Variants in PDE7B observed in about 807,000 individuals in gnomAD.
PDE7B encodes phosphodiesterase 7B.
Under a neutral mutation model 56.2 loss-of-function variants are expected in PDE7B, and 29 were observed. That is an observed-to-expected ratio of 0.52 (90% confidence interval 0.38 to 0.70). The LOEUF is 0.70. Ranked by LOEUF, PDE7B falls within the 30% of genes least tolerant of loss-of-function variation. The pLI is 0.00. For missense variants in PDE7B, 490 were observed against 565.0 expected (o/e 0.87, Z 1.35); for synonymous variants, 197 against 196.9 (o/e 1.00, Z 0.00).
At chr6:136,057,418 C>T (rs1266831821) in intron 2 of PDE7B, among the ~76,000 whole-genome samples, 1 of 152,162 alleles carries the variant, frequency 6.6e-6, no homozygotes, top group African/African-American at 2.4e-5. Flanking sequence ...ACCCATTATA[C>T]ATCAAAGTAT....
chr6:135,989,574 A>T (rs978714697), intron 2 of PDE7B, among the ~76,000 whole-genome samples: 67 of 152,292 alleles, frequency 4.4e-4, no homozygotes, highest in African/African-American at 1.6e-3. Context: ...AGATGGTGCC[A>T]TTGCACTCCA....
intron 8 of PDE7B, among the ~76,000 whole-genome samples, chr6:136,160,770 T>C (rs1328634453): frequency 6.6e-6 from 1 of 152,076 alleles, no homozygotes; most frequent in Non-Finnish European, 1.5e-5. Flanking sequence ...ACCATTCCCC[T>C]CCCAGGCTTC....
chr6:136,149,123 A>T lies in PDE7B; in HGVS notation c.355A>T (p.Ile119Phe). Residue 119 changes from isoleucine to phenylalanine, a missense_variant, in exon 5 of 13, where the codon ATT becomes TTT. Physicochemically the swap from Ile to Phe is conservative, Grantham distance 21 (BLOSUM62 0). Transcript: ENST00000308191. Reference protein sequence around the residue: ...LSKVGMWDFDIFLFDRLTNGN... With the variant: ...LSKVGMWDFDFFLFDRLTNGN... ...CAAAGTGGGAATGTGGGATTTTGACATTTTCTTGTTTGATCGCTTGACAAA... is the reference window on the plus strand; with the variant it reads ...CAAAGTGGGAATGTGGGATTTTGACTTTTTCTTGTTTGATCGCTTGACAAA... 1 of 1,612,756 alleles carries T rather than the reference A, an allele frequency of 6.2e-7. No homozygotes were observed. Among genetic ancestry groups the T allele is most frequent in the Non-Finnish European group, 8.5e-7 (1 of 1,178,864 alleles).
intron 8 of PDE7B, among the ~76,000 whole-genome samples, chr6:136,160,188 G>A (rs1021190939): frequency 2.6e-5 from 4 of 152,122 alleles, no homozygotes; most frequent in African/African-American, 7.2e-5. Flanking sequence ...TGAGCCACTA[G>A]AACACATTGT....
chr6:135,890,020 T>G (rs1375082933), intron 1 of PDE7B, among the ~76,000 whole-genome samples: 2 of 152,144 alleles, frequency 1.3e-5, no homozygotes, highest in African/African-American at 4.8e-5. Context: ...CCCAAAGTAC[T>G]GGGATTACAG....
At chr6:135,882,396 C>T (rs994903129) in intron 1 of PDE7B, among the ~76,000 whole-genome samples, 1 of 152,142 alleles carries the variant, frequency 6.6e-6, no homozygotes, top group Admixed American at 6.5e-5. Flanking sequence ...GTTTTTCCTG[C>T]TTCCTGGCTC....
intron 2 of PDE7B, among the ~76,000 whole-genome samples, chr6:136,089,222 A>T (rs1007308087): frequency 6.6e-6 from 1 of 152,166 alleles, no homozygotes; most frequent in Non-Finnish European, 1.5e-5. Flanking sequence ...GCTCATAACA[A>T]CACTAACCTC....
intron 2 of PDE7B, among the ~76,000 whole-genome samples, chr6:136,101,712 T>C (rs993906305): frequency 1.1e-4 from 16 of 152,180 alleles, no homozygotes; most frequent in African/African-American, 3.6e-4. Context: ...CTGACTCCCA[T>C]ACCTAAATGT....
chr6:136,020,750 C>G (rs1366351216), intron 2 of PDE7B, among the ~76,000 whole-genome samples: 2 of 151,736 alleles, frequency 1.3e-5, no homozygotes, highest in Non-Finnish European at 2.9e-5. Flanking sequence ...GAAAATTATT[C>G]TAGTGAAATA....
chr6:135,868,493 A>G (rs1428965058), intron 1 of PDE7B, among the ~76,000 whole-genome samples: 1 of 151,552 alleles, frequency 6.6e-6, no homozygotes, highest in Non-Finnish European at 1.5e-5. Context: ...GTGCAGTGGC[A>G]CTATCTTGGC....
At chr6:136,108,879 CA>C in intron 3 of PDE7B, 65 bp downstream of exon 3, 1 of 1,034,210 alleles carries the variant, frequency 9.7e-7, no homozygotes, top group East Asian at 2.4e-5. Context: ...AAAAAATCCT[CA>C]TTTCCCTCTG....
intron 2 of PDE7B, among the ~76,000 whole-genome samples, chr6:136,061,881 GACCT>G (rs1290149140): frequency 4.6e-5 from 7 of 152,166 alleles, no homozygotes; most frequent in Non-Finnish European, 1.0e-4. Flanking sequence ...TAACCTCTCA[GACCT>G]CAGTCCTCTC....
intron 2 of PDE7B, chr6:136,097,861 A>G (rs1286474587): frequency 6.6e-6 from 1 of 152,112 alleles, no homozygotes; most frequent in African/African-American, 2.4e-5. Context: ...TCCTGCCACA[A>G]GTCCTCTGAA....
chr6:136,108,962 T>C, intron 3 of PDE7B, 148 bp downstream of exon 3: 1 of 639,502 alleles, frequency 1.6e-6, no homozygotes, highest in East Asian at 2.8e-5. Flanking sequence ...TAACCCTTTG[T>C]CTTTGAGTTT....
At chr6:135,916,392 C>CTTTCTTTTT (rs1554266499) in intron 1 of PDE7B, among the ~76,000 whole-genome samples, 1 of 96,346 alleles carries the variant, frequency 1.0e-5, no homozygotes, top group East Asian at 3.8e-4. Flanking sequence ...TCTTTTCTTT[C>CTTTCTTTTT]TTTTTTTTTT....
intron 2 of PDE7B, among the ~76,000 whole-genome samples, chr6:136,101,617 T>C (rs1777563913): frequency 6.6e-6 from 1 of 152,198 alleles, no homozygotes; most frequent in African/African-American, 2.4e-5. Flanking sequence ...TTCAACATTT[T>C]GTGTAATGTT....
intron 1 of PDE7B, among the ~76,000 whole-genome samples, chr6:135,938,458 C>G (rs1418340): frequency 0.34 from 52,342 of 152,016 alleles, 9,471 homozygotes; most frequent in Admixed American, 0.49. Flanking sequence ...GCACATACCA[C>G]AATTATTCCC....
chr6:136,106,434 A>C (rs1777646110), intron 2 of PDE7B, among the ~76,000 whole-genome samples: 1 of 152,210 alleles, frequency 6.6e-6, no homozygotes, highest in African/African-American at 2.4e-5. Flanking sequence ...ACGGTATTGT[A>C]GAAAGAGCTC....
Position 135,935,196 on chromosome 6 carries a change from A to ATATATATTTT in PDE7B, c.22-12261_22-12260insTTTTATATAT, listed in dbSNP as rs1265545848. Among the ~76,000 whole-genome samples the ATATATATTTT allele has an allele frequency of 7.6e-5, 6 of 79,446 alleles. 2 individuals are homozygous for ATATATATTTT. Among genetic ancestry groups the ATATATATTTT allele is most frequent in the African/African-American group, 2.7e-4 (4 of 14,710 alleles). 52.1% of individuals were successfully genotyped at this position (79,446 alleles called of 152,430 possible). On this transcript the variant is annotated intron_variant, in intron 1 of 12. Coordinates refer to ENST00000308191, the MANE Select transcript of PDE7B (RefSeq NM_018945.4). ...TTTATATATATATATTTATTTATAT[A>ATATATATTTT]TATATATATATATATATATATTTTC... is the stretch of plus-strand genomic sequence containing the variant.
Sources: allele counts gnomAD v4.1 joint callset (sites outside exome capture counted in the v4.1 genomes callset), GRCh38; gene constraint gnomAD v4.1.1; transcripts MANE v1.5; gene names NCBI Gene and HGNC (gene_info 2026-07-23, HGNC 2026-07-21).